The following CDCP1 variants were observed in gnomAD, a reference collection of about 807,000 sequenced individuals.
CDCP1 encodes the protein CUB domain-containing protein 1.
A neutral mutation model predicts 60.2 loss-of-function variants in CDCP1; 29 were observed. The ratio of observed to expected loss-of-function variants is 0.48; its 90% CI spans 0.36 to 0.66. The LOEUF (loss-of-function observed/expected upper bound fraction) is 0.66. CDCP1 is among the 30% of genes least tolerant of loss of function. The pLI is 0.00. For synonymous variants in CDCP1, 387 were observed against 431.1 expected (o/e 0.90, Z 1.27); for missense variants, 876 against 1,074.3 (o/e 0.82, Z 2.58).
intron 3 of CDCP1, among the ~76,000 whole-genome samples, chr3:45,111,514 A>C (rs906156309): frequency 6.6e-6 from 1 of 152,104 alleles, no homozygotes; most frequent in African/African-American, 2.4e-5. Flanking sequence ...CGTATCTACT[A>C]AAAATACAAA....
At chr3:45,111,839 AT>A (rs1038022195) in intron 3 of CDCP1, among the ~76,000 whole-genome samples, 11 of 152,202 alleles carry the variant, frequency 7.2e-5, no homozygotes, top group African/African-American at 2.4e-4. Context: ...ATCCCTTGTC[AT>A]TTTTTTGAAA....
intron 2 of CDCP1, 78 bp from the exon 3 acceptor site, chr3:45,112,523 C>G (rs766896385): frequency 1.2e-5 from 19 of 1,551,168 alleles, no homozygotes; most frequent in Non-Finnish European, 1.7e-5. Context: ...CCACTCAGCC[C>G]CCTGTAGTAG....
intron 1 of CDCP1, among the ~76,000 whole-genome samples, chr3:45,121,425 TCTAA>T (rs757241393): frequency 1.3e-5 from 2 of 152,366 alleles, no homozygotes; most frequent in East Asian, 1.9e-4. Flanking sequence ...CATGAAAACG[TCTAA>T]CTGTGTTATT....
intron 1 of CDCP1, among the ~76,000 whole-genome samples, chr3:45,143,703 G>A (rs942296025): frequency 1.6e-4 from 24 of 150,100 alleles, no homozygotes; most frequent in Admixed American, 1.0e-3. Flanking sequence ...TGATAGCCAG[G>A]GAGAACACCC....
At chr3:45,143,171 T>A (rs1205878936) in intron 1 of CDCP1, among the ~76,000 whole-genome samples, 2 of 152,160 alleles carry the variant, frequency 1.3e-5, no homozygotes, top group Non-Finnish European at 2.9e-5. Context: ...GCCATTGCAC[T>A]CCAGCTTGGG....
chr3:45,097,047 C>T (rs1419214139), intron 4 of CDCP1, among the ~76,000 whole-genome samples: 4 of 152,202 alleles, frequency 2.6e-5, no homozygotes, highest in African/African-American at 7.2e-5. Flanking sequence ...GTGGCTCACA[C>T]CTGTAATCCC....
chr3:45,111,987 AT>A lies in CDCP1; in HGVS notation c.655+95del, dbSNP rs146378654. 9.2e-4 allele frequency: 1,333 copies of A among 1,441,184 alleles called. 8 individuals carry two copies. In the African/African-American group the frequency reaches 0.015, roughly 16 times the overall value. The allele number at this position is 1,441,184 out of a possible 1,614,324, so 89.3% of individuals were successfully genotyped here. A position where few individuals can be genotyped will look rare whatever the true frequency, so the allele number is the denominator to read the frequency against. ...TTCCTTTATGGTTTTTATATTGAGTATTAGAGATTTGCTGACATTTGACCAT... is the reference window on the plus strand; with the variant it reads ...TTCCTTTATGGTTTTTATATTGAGTATAGAGATTTGCTGACATTTGACCAT... On this transcript the variant is annotated intron_variant, in intron 3 of 8. Coordinates refer to ENST00000296129, the MANE Select transcript of CDCP1 (RefSeq NM_022842.5).
chr3:45,094,770 T>A (rs1013039527), intron 5 of CDCP1, among the ~76,000 whole-genome samples: 5 of 151,610 alleles, frequency 3.3e-5, no homozygotes, highest in African/African-American at 1.2e-4. Flanking sequence ...GAGGAGAGGA[T>A]CTCACAAGAG....
chr3:45,090,245 AT>A (rs1309062701), intron 7 of CDCP1, among the ~76,000 whole-genome samples: 1 of 152,162 alleles, frequency 6.6e-6, no homozygotes, highest in Non-Finnish European at 1.5e-5. Context: ...GTCCCTTCTG[AT>A]TCTGACACTG....
In CDCP1 at chr3:45,140,189, G is replaced by A. The variant is rs566911047; in HGVS notation, c.82+6017C>T. 3.3e-5 allele frequency among the ~76,000 whole-genome samples: 5 copies of A among 152,336 alleles called. No individual in the cohort carries two copies. In the South Asian group the frequency reaches 1.0e-3, roughly 32 times the overall value. On this transcript the variant is annotated intron_variant, in intron 1 of 8. Coordinates refer to ENST00000296129, the MANE Select transcript of CDCP1 (RefSeq NM_022842.5). The stretch of plus-strand genomic sequence containing the variant: ...TTGTGACATGGCAGATGCCAAGGAA[G>A]TAGGCAGACCCAAAATAAAGACAAC...
In CDCP1 at chr3:45,093,556, G is replaced by A. The variant is rs1476191683; in HGVS notation, c.1348C>T (p.Leu450=). The A allele has an allele frequency of 6.2e-7, 1 of 1,614,148 alleles. No individual in the cohort carries two copies. The highest frequency in any genetic ancestry group is 1.7e-5 in the Admixed American group (1 of 60,018). The stretch of plus-strand genomic sequence containing the variant: ...CTGAGCCTGTCCTTGGGCACCAGCA[G>A]CTTCCAGGAGAAGTCATGCAGCTCC... ...PVELHDFSWK[L]LVPKDRLSLV... is the part of the protein sequence containing the mutation. Residue 450 remains leucine, a synonymous_variant, in exon 6 of 9, where the codon CTG becomes TTG. Transcript: ENST00000296129.
Position 45,110,557 on chromosome 3 carries a change from G to C in CDCP1, c.940C>G (p.Gln314Glu), listed in dbSNP as rs762337459. The change falls in exon 4 of 9, where the codon CAA becomes GAA. Residue 314 changes from glutamine to glutamate, a missense_variant. Gln to Glu is a conservative substitution (Grantham distance 29). Around this residue, in one of 2 missense-constraint regions of CDCP1, gnomAD observed 726 missense variants for 935.7 expected, o/e 0.78. Transcript: ENST00000296129. ...NMAGNFNLSL[Q>E]GCDQDAQSPG... is the part of the protein sequence containing the mutation. ...CTTTGGGCATCTTGGTCACAGCCTT[G>C]CAGAGAGAGGTTGAAGTTCCCCGCC... 5 of 1,614,120 alleles carry C rather than the reference G, an allele frequency of 3.1e-6. No individual in the cohort carries two copies. The highest frequency in any genetic ancestry group is 3.4e-6 in the Non-Finnish European group (4 of 1,180,050).
In CDCP1 at chr3:45,091,065, C is replaced by T; in HGVS notation, c.1993+108G>A. 1 of 1,220,008 alleles carries T rather than the reference C, an allele frequency of 8.2e-7. No individual in the cohort carries two copies. 75.6% of individuals were successfully genotyped at this position (1,220,008 alleles called of 1,614,324 possible). On this transcript the variant is annotated intron_variant, in intron 7 of 8. Transcript: ENST00000296129. This position sits in a 1 kb window ranked among gnomAD's most constrained non-coding sequence, Gnocchi z 4.8. The stretch of plus-strand genomic sequence containing the variant: ...ATGCAATAGCTGACTGATACATGGA[C>T]AGTCAGGACTCAATCTGTGATTCTG...
intron 4 of CDCP1, among the ~76,000 whole-genome samples, chr3:45,097,721 T>C (rs1698425919): frequency 6.6e-6 from 1 of 152,224 alleles, no homozygotes; most frequent in African/African-American, 2.4e-5. Context: ...CCTCTTGAAC[T>C]GGCTGCAGGG....
At chr3:45,121,598 A>T (rs1698884803) in intron 1 of CDCP1, among the ~76,000 whole-genome samples, 2 of 152,074 alleles carry the variant, frequency 1.3e-5, no homozygotes, top group South Asian at 4.2e-4. Context: ...TCCTTTATTT[A>T]AAAATTCCTG....
intron 1 of CDCP1, among the ~76,000 whole-genome samples, chr3:45,124,386 G>A (rs535526131): frequency 2.2e-4 from 34 of 152,108 alleles, no homozygotes; most frequent in Non-Finnish European, 4.0e-4. Context: ...TGTGGGACTC[G>A]GCTCTCATTC....
chr3:45,102,898 C>CAAATAT (rs1214105796), intron 4 of CDCP1, among the ~76,000 whole-genome samples: 1 of 151,486 alleles, frequency 6.6e-6, no homozygotes, highest in African/African-American at 2.4e-5. Flanking sequence ...TGGGCTCAAC[C>CAAATAT]AAATATGCCT....
chr3:45,143,212 TAA>T (rs1038408310), intron 1 of CDCP1, among the ~76,000 whole-genome samples: 1 of 151,880 alleles, frequency 6.6e-6, no homozygotes, highest in African/African-American at 2.4e-5. Flanking sequence ...CTCAAAAATT[TAA>T]AAAAAGAGTG....
Position 45,091,627 on chromosome 3 carries a change from G to C in CDCP1, c.1628-89C>G, listed in dbSNP as rs1698298045. On this transcript the variant is annotated intron_variant, in intron 6 of 8. Coordinates refer to ENST00000296129, the MANE Select transcript of CDCP1 (RefSeq NM_022842.5). The surrounding 1 kb of genome is among the most constrained non-coding windows in gnomAD (Gnocchi z 4.8). ...GTGGTGGAGGAGACGAAGTCCAACTGTCCAGACCAGCGCTGTCTAACCGAA... is the reference window on the plus strand; with the variant it reads ...GTGGTGGAGGAGACGAAGTCCAACTCTCCAGACCAGCGCTGTCTAACCGAA... 5 of 1,438,420 alleles carry C rather than the reference G, an allele frequency of 3.5e-6. No individual in the cohort carries two copies. In the South Asian group the frequency reaches 7.0e-5, roughly 20 times the overall value. The allele number at this position is 1,438,420 out of a possible 1,614,324, so 89.1% of individuals were successfully genotyped here.
Sources: allele counts gnomAD v4.1 joint callset (sites outside exome capture counted in the v4.1 genomes callset), GRCh38; gene constraint gnomAD v4.1.1; regional missense constraint gnomAD v4.1.1; non-coding constraint Gnocchi (gnomAD v3.1); transcripts MANE v1.5; gene names NCBI Gene and HGNC (gene_info 2026-07-23, HGNC 2026-07-21).